The following LUZP2 variants were observed in gnomAD, a reference collection of about 807,000 sequenced individuals.
LUZP2 encodes leucine zipper protein 2.
Under a neutral mutation model 51.6 loss-of-function variants are expected in LUZP2, and 52 were observed. That is an observed-to-expected ratio of 1.01 (90% CI 0.81 to 1.27). LUZP2 has a LOEUF of 1.27. Ranked by LOEUF, LUZP2 falls within the 50% of genes most tolerant of loss-of-function variation. The pLI is 0.00. For missense variants in LUZP2, 436 were observed against 395.4 expected (o/e 1.10, Z -0.87); for synonymous variants, 154 against 137.3 (o/e 1.12, Z -0.85).
chr11:24,727,311 A>G (rs1411816144), intron 1 of LUZP2, among the ~76,000 whole-genome samples: 2 of 152,006 alleles, frequency 1.3e-5, no homozygotes, highest in South Asian at 2.1e-4. Context: ...TGGTTAAGAT[A>G]TTAGGCTTTG....
intron 5 of LUZP2, among the ~76,000 whole-genome samples, chr11:24,880,591 C>G: frequency 6.6e-6 from 1 of 152,112 alleles, no homozygotes; most frequent in East Asian, 1.9e-4. Context: ...CCAGAGAACA[C>G]ATTTTGAGAT....
At chr11:24,580,314 G>A (rs1342693460) in intron 1 of LUZP2, among the ~76,000 whole-genome samples, 2 of 152,076 alleles carry the variant, frequency 1.3e-5, no homozygotes, top group African/African-American at 2.4e-5. Flanking sequence ...TGTTTCAGAA[G>A]TTGTAGATCA....
At chr11:24,740,681 C>A (rs1420800071) in intron 4 of LUZP2, among the ~76,000 whole-genome samples, 1 of 152,104 alleles carries the variant, frequency 6.6e-6, no homozygotes, top group Non-Finnish European at 1.5e-5. Flanking sequence ...TACATAATCT[C>A]TCTAAAATTA....
chr11:25,007,166 T>C (rs890948725), intron 9 of LUZP2, among the ~76,000 whole-genome samples: 17 of 152,072 alleles, frequency 1.1e-4, no homozygotes, highest in Non-Finnish European at 2.9e-5. Context: ...GCATTTACAA[T>C]CCCTTAGCTA....
intron 1 of LUZP2, among the ~76,000 whole-genome samples, chr11:24,651,288 G>T (rs938970107): frequency 6.6e-6 from 1 of 152,050 alleles, no homozygotes; most frequent in African/African-American, 2.4e-5. Context: ...TTCATTCCTT[G>T]AGAGCTCATT....
intron 5 of LUZP2, among the ~76,000 whole-genome samples, chr11:24,858,234 T>C (rs1188804945): frequency 6.6e-6 from 1 of 152,194 alleles, no homozygotes; most frequent in East Asian, 1.9e-4. Context: ...ATCTTTTTCT[T>C]GACTTCCTGA....
chr11:24,932,694 C>T (rs1004691777), intron 7 of LUZP2, among the ~76,000 whole-genome samples: 12 of 151,880 alleles, frequency 7.9e-5, no homozygotes, highest in Non-Finnish European at 1.3e-4. Context: ...AGCAGGTAAG[C>T]AGGACTGAGA....
At chr11:24,615,474 T>C (rs891620997) in intron 1 of LUZP2, among the ~76,000 whole-genome samples, 21 of 152,070 alleles carry the variant, frequency 1.4e-4, no homozygotes, top group African/African-American at 4.8e-4. Context: ...ATCCAAATTG[T>C]TGCTTGAATC....
At chr11:24,878,387 G>A (rs1211705939) in intron 5 of LUZP2, among the ~76,000 whole-genome samples, 1 of 151,872 alleles carries the variant, frequency 6.6e-6, no homozygotes, top group Non-Finnish European at 1.5e-5. Flanking sequence ...TATCCTGTAA[G>A]GTTTACCCTG....
At chr11:25,001,640 C>G (rs1856683865) in intron 9 of LUZP2, among the ~76,000 whole-genome samples, 1 of 152,134 alleles carries the variant, frequency 6.6e-6, no homozygotes, top group African/African-American at 2.4e-5. Flanking sequence ...TAAATTTATC[C>G]TGGCTTTTAA....
chr11:24,959,439 G>A (rs936129286), intron 7 of LUZP2, among the ~76,000 whole-genome samples: 46 of 152,120 alleles, frequency 3.0e-4, no homozygotes, highest in Middle Eastern at 3.4e-3. Context: ...CTTGAGCAGC[G>A]GTTTGTAGTT....
chr11:24,872,446 C>T (rs953226659), intron 5 of LUZP2, among the ~76,000 whole-genome samples: 2 of 152,096 alleles, frequency 1.3e-5, no homozygotes, highest in African/African-American at 4.8e-5. Flanking sequence ...TGTAGCAGCT[C>T]AGTAGTGCAA....
chr11:24,912,713 G>A (rs1393205821), intron 6 of LUZP2, among the ~76,000 whole-genome samples: 9 of 152,120 alleles, frequency 5.9e-5, no homozygotes, highest in African/African-American at 2.2e-4. Flanking sequence ...AGGAGGCTGA[G>A]GCAGGAGAAT....
At chr11:24,643,846 T>C (rs1402584015) in intron 1 of LUZP2, among the ~76,000 whole-genome samples, 1 of 152,216 alleles carries the variant, frequency 6.6e-6, no homozygotes, top group Non-Finnish European at 1.5e-5. Flanking sequence ...GGAAATTCTC[T>C]GTTTTCCATG....
chr11:24,608,299 T>C (rs1854002484), intron 1 of LUZP2, among the ~76,000 whole-genome samples: 1 of 152,196 alleles, frequency 6.6e-6, no homozygotes, highest in South Asian at 2.1e-4. Flanking sequence ...TGAGTATAAT[T>C]CTACAAGGCA....
intron 5 of LUZP2, among the ~76,000 whole-genome samples, chr11:24,772,547 T>C (rs1031124290): frequency 2.0e-5 from 3 of 152,222 alleles, no homozygotes; most frequent in Non-Finnish European, 4.4e-5. Context: ...AGTGATGATT[T>C]CTGTGAAATG....
chr11:24,712,254 C>G (rs1439709040), intron 1 of LUZP2, among the ~76,000 whole-genome samples: 1 of 151,930 alleles, frequency 6.6e-6, no homozygotes, highest in Non-Finnish European at 1.5e-5. Flanking sequence ...GACCCCATCT[C>G]TGTAAAAAAT....
At chr11:25,006,377 G>A (rs191621219) in intron 9 of LUZP2, among the ~76,000 whole-genome samples, 1 of 152,192 alleles carries the variant, frequency 6.6e-6, no homozygotes, top group African/African-American at 2.4e-5. Flanking sequence ...TTCTGCTCAT[G>A]GCCACAGGAT....
intron 5 of LUZP2, among the ~76,000 whole-genome samples, chr11:24,898,496 C>A (rs1032748825): frequency 6.6e-6 from 1 of 152,068 alleles, no homozygotes; most frequent in Non-Finnish European, 1.5e-5. Context: ...TGGTGGTGGG[C>A]GCCTGTAGTC....
Sources: allele counts gnomAD v4.1 joint callset (sites outside exome capture counted in the v4.1 genomes callset), GRCh38; gene constraint gnomAD v4.1.1; transcripts MANE v1.5; gene names NCBI Gene and HGNC (gene_info 2026-07-23, HGNC 2026-07-21).